The following SHC4 variants were observed in gnomAD, a reference collection of about 807,000 sequenced individuals.
SHC4 encodes SHC adaptor protein 4, also known as SHC-transforming protein 4.
SHC4 carries 41 observed loss-of-function variants against 69.4 expected under a neutral mutation model. The ratio of observed to expected loss-of-function variants is 0.59; its 90% CI spans 0.46 to 0.77. SHC4 has a LOEUF of 0.77. Among genes scored for constraint, SHC4 ranks in the 30% least tolerant of loss-of-function variants. SHC4 has a pLI of 0.00. For synonymous variants in SHC4, 318 were observed against 299.3 expected, an observed-to-expected ratio of 1.06 and a Z score of -0.64; for missense variants, 777 against 783.8, an observed-to-expected ratio of 0.99 and a Z score of 0.10.
chr15:48,850,496 T>G (rs1899188786), intron 9 of SHC4, among the ~76,000 whole-genome samples: 1 of 152,228 alleles, frequency 6.6e-6, no homozygotes, highest in Admixed American at 6.5e-5. Flanking sequence ...TATTCTCCAC[T>G]GCATTATTTA....
At chr15:48,837,715 T>A (rs752117252) in intron 10 of SHC4, among the ~76,000 whole-genome samples, 4 of 152,156 alleles carry the variant, frequency 2.6e-5, no homozygotes, top group Non-Finnish European at 5.9e-5. Context: ...AGTAATCATA[T>A]CATCTTGGAG....
chr15:48,904,517 T>G (rs181158885), intron 2 of SHC4, among the ~76,000 whole-genome samples: 1 of 152,292 alleles, frequency 6.6e-6, no homozygotes, highest in African/African-American at 2.4e-5. Flanking sequence ...CTGAATCAAC[T>G]TGTGGACCCC....
chr15:48,898,729 G>GT (rs1478288106), intron 2 of SHC4, among the ~76,000 whole-genome samples: 1 of 152,156 alleles, frequency 6.6e-6, no homozygotes, highest in Non-Finnish European at 1.5e-5. Context: ...TTAAGTGCTG[G>GT]TTTTTTCCTG....
At chr15:48,922,690 G>A (rs1017357518) in intron 2 of SHC4, among the ~76,000 whole-genome samples, 1 of 152,228 alleles carries the variant, frequency 6.6e-6, no homozygotes, top group African/African-American at 2.4e-5. Flanking sequence ...TCAGACCATA[G>A]CTCTCAGGTT....
intron 1 of SHC4, among the ~76,000 whole-genome samples, chr15:48,933,208 C>T (rs1251647810): frequency 1.3e-5 from 2 of 152,066 alleles, no homozygotes; most frequent in Non-Finnish European, 2.9e-5. Context: ...GAAACCAGAC[C>T]CTGTGATTTT....
intron 3 of SHC4, among the ~76,000 whole-genome samples, chr15:48,889,375 C>T (rs1192077529): frequency 6.6e-6 from 1 of 152,092 alleles, no homozygotes; most frequent in Non-Finnish European, 1.5e-5. Context: ...GAATGATAAC[C>T]AAAAATGGGG....
rs376641206 is a variant in SHC4, at chr15:48,843,428, C to A, written c.1464G>T (p.Gly488=). ...ACTTACTTCCGCAGTGCCATGGGCTCCCCAGTGGTTGGGCTGACCTTTGAT... is the reference window on the plus strand; with the variant it reads ...ACTTACTTCCGCAGTGCCATGGGCTACCCAGTGGTTGGGCTGACCTTTGAT... ...AGNQRSAQPL[G]SPWHCGKAPE... is the part of the protein sequence containing the mutation. Residue 488 remains glycine (G), a synonymous_variant, in exon 10 of 12, where the codon GGG becomes GGT. Transcript: ENST00000332408. 1 of 1,613,076 alleles carries A rather than the reference C, an allele frequency of 6.2e-7. No homozygotes were observed. The highest frequency in any genetic ancestry group is 1.3e-5 in the African/African-American group (1 of 74,986).
At chr15:48,947,706 T>A (rs1043555948) in intron 1 of SHC4, 2 of 152,208 alleles carry the variant, frequency 1.3e-5, no homozygotes, top group African/African-American at 4.8e-5. Flanking sequence ...TTTCTGATAG[T>A]TAACGTCATC....
chr15:48,850,529 CT>C (rs1241613066), intron 9 of SHC4, among the ~76,000 whole-genome samples: 3 of 152,222 alleles, frequency 2.0e-5, no homozygotes, highest in Non-Finnish European at 4.4e-5. Flanking sequence ...ATCTCCCCCT[CT>C]AAAACTGCAA....
chr15:48,830,315 T>A lies in SHC4; in HGVS notation c.1738-4189A>T, dbSNP rs542085374. On this transcript the variant is annotated intron_variant, in intron 11 of 11. Coordinates refer to ENST00000332408, the MANE Select transcript of SHC4 (RefSeq NM_203349.4). Reference sequence around the variant, plus strand: ...TCAATCACATACAAATACTCTACACTGTTATTTCTCCACACACAATTTTAT... The same window carrying A: ...TCAATCACATACAAATACTCTACACAGTTATTTCTCCACACACAATTTTAT... Among the ~76,000 whole-genome samples, 91 of 152,358 alleles carry A rather than the reference T, an allele frequency of 6.0e-4. 1 individual carries two copies. Among genetic ancestry groups the A allele is most frequent in the Non-Finnish European group, 1.3e-4 (9 of 68,032 alleles).
At chr15:48,843,880 C>T (rs1052389207) in intron 9 of SHC4, among the ~76,000 whole-genome samples, 2 of 148,452 alleles carry the variant, frequency 1.3e-5, no homozygotes, top group African/African-American at 2.5e-5. Flanking sequence ...ACTGACCAGC[C>T]GTGGAAGAAA....
At chr15:48,831,404 C>T (rs1288172159) in intron 11 of SHC4, among the ~76,000 whole-genome samples, 1 of 152,210 alleles carries the variant, frequency 6.6e-6, no homozygotes, top group Non-Finnish European at 1.5e-5. Context: ...AAGCTTCATT[C>T]ACAGTAAATG....
At chr15:48,914,264 T>C (rs746266559) in intron 2 of SHC4, among the ~76,000 whole-genome samples, 8 of 152,194 alleles carry the variant, frequency 5.3e-5, no homozygotes, top group Non-Finnish European at 1.2e-4. Flanking sequence ...TCCAAAGCAA[T>C]CTCACTAGGA....
chr15:48,949,424 C>T (rs1247337017), intron 1 of SHC4, among the ~76,000 whole-genome samples: 2 of 151,596 alleles, frequency 1.3e-5, no homozygotes, highest in African/African-American at 4.8e-5. Context: ...CCCTCTTCAT[C>T]AAATTATTCT....
chr15:48,896,317 TTTTC>T (rs1900221073), intron 2 of SHC4, among the ~76,000 whole-genome samples: 5 of 138,132 alleles, frequency 3.6e-5, no homozygotes, highest in African/African-American at 7.9e-5. Context: ...TCTCTCTTTC[TTTTC>T]TTTCTTTTTT....
chr15:48,961,131 C>A (rs759550951), intron 1 of SHC4, among the ~76,000 whole-genome samples: 4 of 152,184 alleles, frequency 2.6e-5, no homozygotes, highest in African/African-American at 7.2e-5. Context: ...TTGCCTCATA[C>A]CTAAACTCTC....
chr15:48,951,483 A>T (rs1745170868), intron 1 of SHC4, among the ~76,000 whole-genome samples: 1 of 151,576 alleles, frequency 6.6e-6, no homozygotes, highest in Admixed American at 6.6e-5. Flanking sequence ...TCCCCCATTT[A>T]AAAAAAAATC....
intron 1 of SHC4, among the ~76,000 whole-genome samples, chr15:48,953,447 T>C (rs16961936): frequency 0.015 from 2,250 of 152,174 alleles, 50 homozygotes; most frequent in African/African-American, 0.052. Context: ...TAAAGCAAAC[T>C]ACAGTAGTGG....
At chr15:48,864,968 G>T (rs971377386) in intron 6 of SHC4, among the ~76,000 whole-genome samples, 1 of 151,960 alleles carries the variant, frequency 6.6e-6, no homozygotes, top group Non-Finnish European at 1.5e-5. Context: ...GCCTTTACAC[G>T]CACATTCGCA....
Sources: gnomAD v4.1 joint callset for allele counts (sites outside exome capture counted in the v4.1 genomes callset) on GRCh38, gnomAD v4.1.1 for gene constraint, MANE v1.5 for transcripts, NCBI Gene and HGNC (gene_info 2026-07-23, HGNC 2026-07-21) for gene names.